EIF3J: variants seen among roughly 807,000 people sequenced by gnomAD.
EIF3J encodes the protein eukaryotic translation initiation factor 3 subunit J.
Under a neutral mutation model 39.0 loss-of-function variants are expected in EIF3J, and 15 were observed. That is an observed-to-expected ratio of 0.38 (90% CI 0.26 to 0.59). The LOEUF is 0.59. Ranked by LOEUF, EIF3J falls within the 20% of genes least tolerant of loss-of-function variation. The pLI, the probability that EIF3J is intolerant of heterozygous loss-of-function variation, is 0.60. For synonymous variants in EIF3J, 98 were observed against 112.9 expected (o/e 0.87, Z 0.84); for missense variants, 226 against 308.6 (o/e 0.73, Z 2.00).
rs34101594 is a variant in EIF3J at position 44,544,703 on chromosome 15, TAA to T, written c.148-6153_148-6152del. ...TGGGCAATAAGAGCAAAACTCCATT[TAA>T]AAAAAAAAAAAAAAAAAAAGGTGGG... On this transcript the variant is annotated intron_variant, in intron 2 of 7. Transcript: ENST00000261868. Among the ~76,000 whole-genome samples, 12 of 85,444 alleles carry T rather than the reference TAA, an allele frequency of 1.4e-4. No homozygotes were observed. In the East Asian group the frequency reaches 1.4e-3, roughly 10 times the overall value. The allele number at this position is 85,444 out of a possible 152,430, so 56.1% of individuals were successfully genotyped here.
chr15:44,551,504 A>G lies in EIF3J; in HGVS notation c.276A>G (p.Gln92=), dbSNP rs1349456048. The G allele has an allele frequency of 6.3e-7, 1 of 1,591,076 alleles. No individual in the cohort carries two copies. Among genetic ancestry groups the G allele is most frequent in the Non-Finnish European group, 8.5e-7 (1 of 1,171,224 alleles). ...KEKERQQKKR[Q]EEIKKRLEEP... ...AAGAACGGCAACAGAAGAAAAGGCAAGAAGAAATTAAAAAGAGGGTAAATT... is the reference window on the plus strand; with the variant it reads ...AAGAACGGCAACAGAAGAAAAGGCAGGAAGAAATTAAAAAGAGGGTAAATT... Residue 92 remains glutamine, a synonymous_variant, in exon 4 of 8, where the codon CAA becomes CAG. Transcript: ENST00000261868.
chr15:44,541,459 C>T (rs767875366), intron 2 of EIF3J, among the ~76,000 whole-genome samples: 2 of 152,204 alleles, frequency 1.3e-5, no homozygotes, highest in Non-Finnish European at 2.9e-5. Context: ...AAGAGGATTG[C>T]GTGAGCCTAG....
At chr15:44,537,962 A>G (rs995298010) in intron 2 of EIF3J, among the ~76,000 whole-genome samples, 1 of 152,156 alleles carries the variant, frequency 6.6e-6, no homozygotes. Context: ...CAGTAAAGGG[A>G]AATAACTTTT....
intron 2 of EIF3J, among the ~76,000 whole-genome samples, chr15:44,539,691 C>T (rs987366950): frequency 3.6e-4 from 55 of 151,788 alleles, no homozygotes; most frequent in African/African-American, 1.3e-3. Flanking sequence ...TGAGCCACCA[C>T]ACCCGGCCCC....
At chr15:44,542,211 GGAA>G (rs1276051118) in intron 2 of EIF3J, among the ~76,000 whole-genome samples, 3 of 152,122 alleles carry the variant, frequency 2.0e-5, no homozygotes, top group Admixed American at 2.0e-4. Context: ...CTGAGATGGT[GGAA>G]GAACATTTTG....
chr15:44,559,579 C>T (rs547473655), intron 6 of EIF3J, among the ~76,000 whole-genome samples: 16 of 151,462 alleles, frequency 1.1e-4, no homozygotes, highest in South Asian at 8.4e-4. Flanking sequence ...TGGTGGCGGG[C>T]GCCTGTAGTC....
Position 44,543,476 on chromosome 15 carries a change from C to G in EIF3J, c.147+6049C>G, listed in dbSNP as rs2082028476. ...GTCTCCAGGCTGGAGGGCAGTGGCG[C>G]AGTCTCGGCTTACTGCAACCTCCGC... On this transcript the variant is annotated intron_variant, in intron 2 of 7. Transcript: ENST00000261868. 3.3e-5 allele frequency among the ~76,000 whole-genome samples: 5 copies of G among 149,292 alleles called. No individual in the cohort carries two copies. In the South Asian group the frequency reaches 1.1e-3, roughly 31 times the overall value.
chr15:44,541,888 C>A (rs1032558863), intron 2 of EIF3J, among the ~76,000 whole-genome samples: 1 of 152,230 alleles, frequency 6.6e-6, no homozygotes, highest in African/African-American at 2.4e-5. Context: ...TCAATCATAT[C>A]ATTTCATACC....
At chr15:44,550,557 A>C (rs1261212020) in intron 2 of EIF3J, 1 of 172,316 alleles carries the variant, frequency 5.8e-6, no homozygotes, top group Non-Finnish European at 1.2e-5. Flanking sequence ...AAAACACCCT[A>C]TTTATAATAG....
intron 2 of EIF3J, among the ~76,000 whole-genome samples, chr15:44,550,352 C>A (rs2082088910): frequency 6.6e-6 from 1 of 152,032 alleles, no homozygotes; most frequent in Non-Finnish European, 1.5e-5. Context: ...AGTGCAGTGG[C>A]ACTATCATAG....
At chr15:44,556,775 G>A (rs2082148186) in intron 5 of EIF3J, among the ~76,000 whole-genome samples, 1 of 152,064 alleles carries the variant, frequency 6.6e-6, no homozygotes, top group African/African-American at 2.4e-5. Flanking sequence ...GCCTCCCAAA[G>A]TGTTGGGATT....
chr15:44,557,419 G>T, intron 5 of EIF3J, 70 bp from the exon 6 acceptor site: 3 of 1,207,806 alleles, frequency 2.5e-6, no homozygotes, highest in Non-Finnish European at 2.2e-6. Flanking sequence ...GATAGCTATT[G>T]GCTTTGTAAG....
At chr15:44,558,794 T>G (rs2082166002) in intron 6 of EIF3J, 1 of 152,224 alleles carries the variant, frequency 6.6e-6, no homozygotes, top group Non-Finnish European at 1.5e-5. Context: ...AATTGGGTTT[T>G]CTTTGATAAA....
Position 44,537,306 on chromosome 15 carries a change from G to T in EIF3J, c.44-18G>T. 6.4e-7 allele frequency: 1 copy of T among 1,561,182 alleles called. No individual in the cohort carries two copies. The highest frequency in any genetic ancestry group is 8.7e-7 in the Non-Finnish European group (1 of 1,153,202). ...CCACGCAGTGGCAGGCACTAACACG[G>T]CTCGCTTTCTTCCGTAGACGCCGAC... On this transcript the variant is annotated intron_variant, in intron 1 of 7. Coordinates refer to ENST00000261868, the MANE Select transcript of EIF3J (RefSeq NM_003758.4).
intron 3 of EIF3J, among the ~76,000 whole-genome samples, chr15:44,551,152 TTAG>T (rs1243873426): frequency 6.6e-6 from 1 of 152,200 alleles, no homozygotes; most frequent in African/African-American, 2.4e-5. Flanking sequence ...TGAGTGCTTG[TTAG>T]TAGGAAAGGG....
At chr15:44,550,965 T>G (rs1567118055) in intron 3 of EIF3J, 35 bp downstream of exon 3, 2 of 1,594,422 alleles carry the variant, frequency 1.3e-6, no homozygotes, top group East Asian at 2.2e-5. Flanking sequence ...TTTGTTTTTA[T>G]GTCTTGCTGA....
chr15:44,541,391 G>A (rs181292392), intron 2 of EIF3J, among the ~76,000 whole-genome samples: 16 of 152,252 alleles, frequency 1.1e-4, no homozygotes, highest in Non-Finnish European at 8.8e-5. Context: ...GCCATCTCAC[G>A]CATTTGCCTC....
rs1567121702 is a variant in EIF3J at position 44,561,652 on chromosome 15, T to C, written c.*503T>C. The C allele has an allele frequency of 6.6e-6, 1 of 152,626 alleles. No homozygotes were observed. The highest frequency in any genetic ancestry group is 1.5e-5 in the Non-Finnish European group (1 of 68,094). The allele number at this position is 152,626 out of a possible 1,614,324, so 9.5% of individuals were successfully genotyped here. On this transcript the variant is annotated 3_prime_UTR_variant, in exon 8 of 8. Transcript: ENST00000261868. ...AAAAATACATTGTGAAGAAGACTGCTTATCTCAGAGTGAAGATACTGCGGC... is the reference window on the plus strand; with the variant it reads ...AAAAATACATTGTGAAGAAGACTGCCTATCTCAGAGTGAAGATACTGCGGC...
At chr15:44,554,761 T>A in intron 5 of EIF3J, 94 bp downstream of exon 5, 1 of 694,508 alleles carries the variant, frequency 1.4e-6, no homozygotes, top group Non-Finnish European at 2.3e-6. Context: ...AAAAGAAACA[T>A]ACTGGCTAAT....
Sources: gnomAD v4.1 joint callset for allele counts (sites outside exome capture counted in the v4.1 genomes callset) on GRCh38, gnomAD v4.1.1 for gene constraint, MANE v1.5 for transcripts, NCBI Gene and HGNC (gene_info 2026-07-23, HGNC 2026-07-21) for gene names.